The following CNTN3 variants were observed in gnomAD, a reference collection of about 807,000 sequenced individuals.
CNTN3 encodes contactin-3.
A neutral mutation model predicts 119.1 loss-of-function variants in CNTN3; 60 were observed. That is an observed-to-expected ratio of 0.50 (90% CI 0.41 to 0.62). The LOEUF (loss-of-function observed/expected upper bound fraction) is 0.62, where lower values mean the gene tolerates loss of function less well. CNTN3 is among the 20% of genes least tolerant of loss of function. CNTN3 has a pLI of 0.00. For synonymous variants in CNTN3, 450 were observed against 438.7 expected (o/e 1.03, Z -0.32); for missense variants, 1,101 against 1,242.4 (o/e 0.89, Z 1.71).
intron 1 of CNTN3, among the ~76,000 whole-genome samples, chr3:74,582,675 C>G (rs1704531787): frequency 1.3e-5 from 2 of 152,028 alleles, no homozygotes; most frequent in Non-Finnish European, 2.9e-5. Context: ...ATAAAAGAGA[C>G]TGGCAAATGT....
intron 2 of CNTN3, among the ~76,000 whole-genome samples, chr3:74,520,547 A>G (rs1703526457): frequency 6.6e-6 from 1 of 151,496 alleles, no homozygotes; most frequent in Non-Finnish European, 1.5e-5. Flanking sequence ...GTCAAAGACG[A>G]TAATTTTTTT....
rs142859238 is a variant in CNTN3 at position 74,327,333 on chromosome 3, T to G, written c.1668+7402A>C. ...TAGTAGAGACAGGGTTTCACCATGT[T>G]GGTCAGGCTGGTCTCGAACTCCTGA... On this transcript the variant is annotated intron_variant, in intron 13 of 22. Coordinates refer to ENST00000263665, the MANE Select transcript of CNTN3 (RefSeq NM_020872.3). Among the ~76,000 whole-genome samples, 654 of 152,072 alleles carry G rather than the reference T, an allele frequency of 4.3e-3. 6 individuals carry two copies. Among genetic ancestry groups the G allele is most frequent in the African/African-American group, 0.015 (618 of 41,460 alleles).
chr3:74,489,466 TCCTCTCTC>T (rs1480099605), intron 3 of CNTN3, among the ~76,000 whole-genome samples: 3 of 127,718 alleles, frequency 2.3e-5, no homozygotes, highest in Non-Finnish European at 5.4e-5. Flanking sequence ...CTTCCTCCCT[TCCTCTCTC>T]CCTCCCTTCT....
At chr3:74,285,592 G>T in intron 19 of CNTN3, 101 bp from the exon 20 acceptor site, 2 of 1,203,652 alleles carry the variant, frequency 1.7e-6, no homozygotes, top group Non-Finnish European at 2.3e-6. Context: ...TTCCTGATTT[G>T]TTCAACCAAT....
In CNTN3 at chr3:74,422,733, TTA is replaced by T. The variant is rs1361072650; in HGVS notation, c.454+2110_454+2111del. Among the ~76,000 whole-genome samples, 52 of 152,222 alleles carry T rather than the reference TTA, an allele frequency of 3.4e-4. 1 individual carries two copies. Among genetic ancestry groups the T allele is most frequent in the Non-Finnish European group, 7.5e-4 (51 of 68,030 alleles). ...GATCACAACCAAGACTACCCAGCTA[TTA>T]TGTTATGTTCATTTGAGACAATATA... On this transcript the variant is annotated intron_variant, in intron 5 of 22. Coordinates refer to ENST00000263665, the MANE Select transcript of CNTN3 (RefSeq NM_020872.3).
chr3:74,277,548 C>G (rs185566648), intron 20 of CNTN3, among the ~76,000 whole-genome samples: 62 of 152,210 alleles, frequency 4.1e-4, no homozygotes, highest in African/African-American at 1.4e-3. Context: ...ACAGAAAAAG[C>G]ATTCAACAAA....
chr3:74,283,353 A>G (rs1343685587), intron 20 of CNTN3, among the ~76,000 whole-genome samples: 2 of 152,126 alleles, frequency 1.3e-5, no homozygotes, highest in African/African-American at 4.8e-5. Flanking sequence ...TAGAACCATG[A>G]CCGGAAATTG....
chr3:74,310,118 C>A (rs1298334312), intron 13 of CNTN3, among the ~76,000 whole-genome samples: 1 of 152,018 alleles, frequency 6.6e-6, no homozygotes, highest in Non-Finnish European at 1.5e-5. Context: ...ACTTGTGGAT[C>A]AAATCTCATT....
intron 1 of CNTN3, among the ~76,000 whole-genome samples, chr3:74,590,612 C>T (rs538365502): frequency 7.0e-4 from 106 of 152,134 alleles, no homozygotes; most frequent in Middle Eastern, 6.8e-3. Context: ...TTAGAGGATA[C>T]AGGCCATGGG....
chr3:74,295,954 G>T (rs1257667059), intron 18 of CNTN3, among the ~76,000 whole-genome samples: 1 of 152,070 alleles, frequency 6.6e-6, no homozygotes, highest in Admixed American at 6.6e-5. Context: ...CTAAGGCTGG[G>T]CCCCTTAGAT....
At chr3:74,298,753 C>T (rs1033528743) in intron 17 of CNTN3, among the ~76,000 whole-genome samples, 33 of 151,722 alleles carry the variant, frequency 2.2e-4, no homozygotes, top group Admixed American at 2.0e-3. Flanking sequence ...AAAAATTAGC[C>T]GGGCGTGGTG....
chr3:74,565,039 T>C (rs1291365026), intron 1 of CNTN3, among the ~76,000 whole-genome samples: 1 of 152,144 alleles, frequency 6.6e-6, no homozygotes, highest in Non-Finnish European at 1.5e-5. Flanking sequence ...ATCTACCTTC[T>C]ACCACTTCTA....
rs1702091792 is a variant in CNTN3, at chr3:74,448,683, A to G, written c.359-23743T>C. ...ATAACAAAATAACATACACAGAGGCAGAATAAATATTTGCTATTATTATAA... is the reference window on the plus strand; with the variant it reads ...ATAACAAAATAACATACACAGAGGCGGAATAAATATTTGCTATTATTATAA... On this transcript the variant is annotated intron_variant, in intron 4 of 22. Coordinates refer to ENST00000263665, the MANE Select transcript of CNTN3 (RefSeq NM_020872.3). 3.3e-5 allele frequency among the ~76,000 whole-genome samples: 5 copies of G among 152,304 alleles called. No homozygotes were observed. In the South Asian group the frequency reaches 8.3e-4, roughly 25 times the overall value.
intron 4 of CNTN3, among the ~76,000 whole-genome samples, chr3:74,463,094 T>C (rs1262669008): frequency 2.0e-5 from 3 of 152,118 alleles, no homozygotes; most frequent in African/African-American, 4.8e-5. Flanking sequence ...ATTATTAATT[T>C]AAATAACACA....
chr3:74,294,287 C>A (rs1559686042), intron 19 of CNTN3, among the ~76,000 whole-genome samples: 1 of 152,178 alleles, frequency 6.6e-6, no homozygotes, highest in African/African-American at 2.4e-5. Context: ...CTCTACTACT[C>A]CCAGTTTCCT....
intron 8 of CNTN3, among the ~76,000 whole-genome samples, chr3:74,367,213 C>T (rs1263150234): frequency 6.6e-6 from 1 of 151,992 alleles, no homozygotes; most frequent in Non-Finnish European, 1.5e-5. Flanking sequence ...AGGCAACTTT[C>T]ATGAAATGCT....
intron 1 of CNTN3, among the ~76,000 whole-genome samples, chr3:74,576,255 A>C (rs1163134066): frequency 6.6e-6 from 1 of 152,208 alleles, no homozygotes; most frequent in East Asian, 1.9e-4. Flanking sequence ...TTCTTCAAAA[A>C]TTATTTTGCC....
At chr3:74,516,596 G>A (rs1703454683) in intron 2 of CNTN3, among the ~76,000 whole-genome samples, 1 of 150,686 alleles carries the variant, frequency 6.6e-6, no homozygotes, top group Non-Finnish European at 1.5e-5. Context: ...TAACAGTTAA[G>A]TTTTGGGGGA....
At chr3:74,561,043 G>A (rs1704145641) in intron 1 of CNTN3, among the ~76,000 whole-genome samples, 1 of 95,162 alleles carries the variant, frequency 1.1e-5, no homozygotes, top group Admixed American at 1.4e-4. Context: ...GGGGGAGGGG[G>A]GAGGGATAGC....
Sources: allele counts gnomAD v4.1 joint callset (sites outside exome capture counted in the v4.1 genomes callset), GRCh38; gene constraint gnomAD v4.1.1; transcripts MANE v1.5; gene names NCBI Gene and HGNC (gene_info 2026-07-23, HGNC 2026-07-21).